GUCY1A2: variants seen among roughly 807,000 people sequenced by gnomAD.
GUCY1A2 encodes guanylate cyclase 1 soluble subunit alpha 2.
Under a neutral mutation model 63.5 loss-of-function variants are expected in GUCY1A2, and 27 were observed. That is an observed-to-expected ratio of 0.43 (90% CI 0.31 to 0.59). GUCY1A2 has a LOEUF of 0.59. GUCY1A2 is among the 20% of genes least tolerant of loss of function. The pLI is 0.11. For missense variants in GUCY1A2, 768 were observed against 913.3 expected, an observed-to-expected ratio of 0.84 and a Z score of 2.05; for synonymous variants, 364 against 343.5, an observed-to-expected ratio of 1.06 and a Z score of -0.66.
At chr11:106,883,796 ACAT>A (rs757404091) in intron 4 of GUCY1A2, among the ~76,000 whole-genome samples, 9 of 152,076 alleles carry the variant, frequency 5.9e-5, no homozygotes, top group Non-Finnish European at 1.2e-4. Context: ...CCAGCCCAAA[ACAT>A]CATGATTTGA....
chr11:106,904,634 A>G (rs1351339005), intron 4 of GUCY1A2, among the ~76,000 whole-genome samples: 4 of 152,074 alleles, frequency 2.6e-5, no homozygotes. Context: ...AAAATGTTTC[A>G]GGCACTGAGG....
intron 6 of GUCY1A2, among the ~76,000 whole-genome samples, chr11:106,739,283 A>T (rs2135377481): frequency 6.6e-6 from 1 of 152,320 alleles, no homozygotes; most frequent in African/African-American, 2.4e-5. Context: ...CAGCTTAAGA[A>T]GATTTTGGGC....
chr11:107,008,940 C>A (rs1029766703), intron 1 of GUCY1A2, among the ~76,000 whole-genome samples: 1 of 152,194 alleles, frequency 6.6e-6, no homozygotes, highest in African/African-American at 2.4e-5. Flanking sequence ...CCACAGTAGA[C>A]TCACGCATAA....
Position 106,940,151 on chromosome 11 carries a change from C to G in GUCY1A2, c.515G>C (p.Arg172Thr), listed in dbSNP as rs769556757. ...LGLKFEEIQK[R>T]FGEEFFNICF... ...TATATTAAAGAACTCTTCACCAAAT[C>G]TTTTTTGAATTTCCTCAAACTTCAA... The change falls in exon 4 of 8, where the codon AGA (arginine) becomes ACA (threonine). Residue 172 changes from arginine (R) to threonine (T), a missense_variant. Transcript: ENST00000526355. 1.3e-6 allele frequency: 2 copies of G among 1,594,426 alleles called. No homozygotes were observed. The highest frequency in any genetic ancestry group is 3.4e-5 in the Admixed American group (2 of 58,246).
chr11:106,755,716 T>C (rs1018574872), intron 6 of GUCY1A2, among the ~76,000 whole-genome samples: 6 of 152,192 alleles, frequency 3.9e-5, no homozygotes, highest in Non-Finnish European at 7.3e-5. Context: ...GAGAGACAGT[T>C]TGTTGTGATT....
chr11:106,829,786 G>A (rs1423554397), intron 4 of GUCY1A2, among the ~76,000 whole-genome samples: 2 of 152,158 alleles, frequency 1.3e-5, no homozygotes, highest in Non-Finnish European at 2.9e-5. Context: ...GAATACAGGA[G>A]ATCCCTTAGA....
At chr11:106,878,914 T>C (rs548759545) in intron 4 of GUCY1A2, among the ~76,000 whole-genome samples, 1 of 152,158 alleles carries the variant, frequency 6.6e-6, no homozygotes, top group South Asian at 2.1e-4. Context: ...ACTTCTGACC[T>C]ACAGAACAAT....
chr11:106,973,855 T>C (rs986255680), intron 3 of GUCY1A2, among the ~76,000 whole-genome samples: 4 of 152,126 alleles, frequency 2.6e-5, no homozygotes, highest in African/African-American at 7.2e-5. Flanking sequence ...CAAACATTCA[T>C]GTTCCATTTG....
At chr11:106,791,637 A>G (rs1301243631) in intron 5 of GUCY1A2, among the ~76,000 whole-genome samples, 5 of 152,182 alleles carry the variant, frequency 3.3e-5, no homozygotes, top group Non-Finnish European at 5.9e-5. Flanking sequence ...TACAATTTTT[A>G]TATATCTACG....
chr11:106,852,865 G>C (rs1218008154), intron 4 of GUCY1A2, among the ~76,000 whole-genome samples: 1 of 152,098 alleles, frequency 6.6e-6, no homozygotes, highest in Non-Finnish European at 1.5e-5. Flanking sequence ...CTCTGGAGTT[G>C]TTTTGACAGA....
intron 6 of GUCY1A2, among the ~76,000 whole-genome samples, chr11:106,759,232 G>T (rs763925764): frequency 2.6e-5 from 4 of 151,210 alleles, no homozygotes; most frequent in Admixed American, 2.6e-4. Context: ...GATCCCTACA[G>T]ATTTAAGGCC....
chr11:106,975,354 A>T (rs1021097740), intron 3 of GUCY1A2, among the ~76,000 whole-genome samples: 4 of 152,186 alleles, frequency 2.6e-5, no homozygotes, highest in South Asian at 2.1e-4. Flanking sequence ...TAGAGCATAA[A>T]CACATTTCTA....
At chr11:106,775,660 G>C (rs779774904) in intron 6 of GUCY1A2, among the ~76,000 whole-genome samples, 6 of 152,062 alleles carry the variant, frequency 3.9e-5, no homozygotes, top group Middle Eastern at 3.4e-3. Context: ...GAACTAGAAC[G>C]GTACTCATAT....
intron 4 of GUCY1A2, among the ~76,000 whole-genome samples, chr11:106,910,928 TG>T (rs1860285237): frequency 6.6e-6 from 1 of 152,086 alleles, no homozygotes; most frequent in South Asian, 2.1e-4. Flanking sequence ...ACCAGTCCGC[TG>T]AATGTATGGG....
Position 106,765,173 on chromosome 11 carries a change from A to AG in GUCY1A2, c.1836+11265_1836+11266insC, listed in dbSNP as rs1485316031. ...TGTAGATTAAGTGAGATAATATGTA[A>AG]ATGTCAAGCTAACCCCTACCACATA... On this transcript the variant is annotated intron_variant, in intron 6 of 7. Coordinates refer to ENST00000526355, the MANE Select transcript of GUCY1A2 (RefSeq NM_000855.3). 2.4e-4 allele frequency among the ~76,000 whole-genome samples: 3 copies of AG among 12,552 alleles called. No individual in the cohort carries two copies. The African/African-American group carries it at 3.3e-3, about 14-fold the overall frequency. The allele number at this position is 12,552 out of a possible 152,430, so 8.2% of individuals were successfully genotyped here.
chr11:106,787,921 G>T (rs978030839), intron 5 of GUCY1A2, among the ~76,000 whole-genome samples: 3 of 152,012 alleles, frequency 2.0e-5, no homozygotes, highest in African/African-American at 7.2e-5. Flanking sequence ...TTGCTGGGTT[G>T]TATGGTAGCT....
chr11:106,990,442 G>A (rs1485370079), intron 1 of GUCY1A2, among the ~76,000 whole-genome samples: 1 of 152,234 alleles, frequency 6.6e-6, no homozygotes, highest in Non-Finnish European at 1.5e-5. Context: ...CCTGAAGAGT[G>A]GGAGGAAGCA....
intron 6 of GUCY1A2, among the ~76,000 whole-genome samples, chr11:106,731,350 A>C (rs988339629): frequency 6.6e-6 from 1 of 152,210 alleles, no homozygotes; most frequent in Admixed American, 6.5e-5. Flanking sequence ...TTCATGTTAA[A>C]AACCTCAACA....
chr11:106,718,141 G>A (rs932510894), intron 6 of GUCY1A2, among the ~76,000 whole-genome samples: 2 of 152,082 alleles, frequency 1.3e-5, no homozygotes, highest in South Asian at 4.1e-4. Context: ...ATATCTTACT[G>A]TATTTACTGT....
Sources: gnomAD v4.1 joint callset for allele counts (sites outside exome capture counted in the v4.1 genomes callset) on GRCh38, gnomAD v4.1.1 for gene constraint, MANE v1.5 for transcripts, NCBI Gene and HGNC (gene_info 2026-07-23, HGNC 2026-07-21) for gene names.